The following CLSTN1 variants were observed in gnomAD, a reference collection of about 807,000 sequenced individuals.
CLSTN1 encodes calsyntenin 1, also known as calsyntenin-1.
CLSTN1 carries 28 observed loss-of-function variants against 108.3 expected under a neutral mutation model. The ratio of observed to expected loss-of-function variants is 0.26; its 90% CI spans 0.19 to 0.35. CLSTN1 has a LOEUF of 0.35. CLSTN1 is among the 10% of genes least tolerant of loss of function. The pLI is 1.00. For missense variants in CLSTN1, 1,157 were observed against 1,302.6 expected, an observed-to-expected ratio of 0.89 and a Z score of 1.72; for synonymous variants, 524 against 534.9, an observed-to-expected ratio of 0.98 and a Z score of 0.28.
intron 13 of CLSTN1, 56 bp from the exon 14 acceptor site, chr1:9,735,230 C>T (rs1650621670): frequency 6.3e-7 from 1 of 1,583,030 alleles, no homozygotes; most frequent in South Asian, 1.1e-5. Flanking sequence ...TTGGAGCCCA[C>T]CTGTGCAAAG....
chr1:9,739,417 G>A (rs1264357139), intron 10 of CLSTN1, among the ~76,000 whole-genome samples: 1 of 152,154 alleles, frequency 6.6e-6, no homozygotes, highest in East Asian at 1.9e-4. Flanking sequence ...AGTATTTCAG[G>A]ATGTTAATAA....
chr1:9,755,039 A>T, intron 4 of CLSTN1, 75 bp downstream of exon 4: 1 of 1,250,982 alleles, frequency 8.0e-7, no homozygotes, highest in Non-Finnish European at 1.1e-6. Context: ...AGCAGGCAAT[A>T]GTCACTACTA....
In CLSTN1 at chr1:9,745,066, C is replaced by T. The variant is rs1409473814; in HGVS notation, c.986-423G>A. On this transcript the variant is annotated intron_variant, in intron 7 of 18. Transcript: ENST00000377298. The stretch of plus-strand genomic sequence containing the variant: ...CACGCTTGGCCCTTTCAGTTTACTT[C>T]TCTTCAAAAATCAGGGTTTTAAATT... 2.0e-5 allele frequency among the ~76,000 whole-genome samples: 3 copies of T among 152,114 alleles called. No homozygotes were observed. In the East Asian group the frequency reaches 5.8e-4, roughly 29 times the overall value.
intron 9 of CLSTN1, 76 bp downstream of exon 9, chr1:9,743,808 C>T: frequency 5.1e-6 from 8 of 1,556,278 alleles, no homozygotes; most frequent in Non-Finnish European, 7.0e-6. Context: ...TCCTCGTGCC[C>T]CAGCCTCCCA....
intron 2 of CLSTN1, 139 bp downstream of exon 2, chr1:9,773,133 C>A: frequency 5.3e-6 from 6 of 1,126,622 alleles, no homozygotes; most frequent in African/African-American, 3.2e-5. Context: ...GAAAAAAAAA[C>A]ATGCTACAAA....
chr1:9,757,473 C>A (rs1651874795), intron 2 of CLSTN1, among the ~76,000 whole-genome samples: 1 of 152,048 alleles, frequency 6.6e-6, no homozygotes, highest in East Asian at 1.9e-4. Flanking sequence ...GATCTCCTGA[C>A]CTCATGATCC....
chr1:9,822,490 T>C (rs1337555392), intron 1 of CLSTN1, among the ~76,000 whole-genome samples: 1 of 152,158 alleles, frequency 6.6e-6, no homozygotes, highest in Non-Finnish European at 1.5e-5. Context: ...AATTCAAATA[T>C]GACCATTTCA....
At position 9,731,831 on chromosome 1, in the gene CLSTN1, G is replaced by A. The variant is rs532592267; in HGVS notation, c.2493C>T (p.Phe831=). The A allele has an allele frequency of 6.8e-6, 11 of 1,614,154 alleles. No individual in the cohort carries two copies. The highest frequency in any genetic ancestry group is 1.3e-5 in the African/African-American group (1 of 75,036). Reference sequence around the variant, plus strand: ...CAAAGGAGCGGTGTTCCGGGTGCACGAACTGTGGCTGGGCAGCCATGTGGT... The same window carrying A: ...CAAAGGAGCGGTGTTCCGGGTGCACAAACTGTGGCTGGGCAGCCATGTGGT... ...HANHMAAQPQ[F]VHPEHRSFVD... is the part of the protein sequence containing the mutation. The change falls in exon 17 of 19, where the codon TTC becomes TTT. Residue 831 remains phenylalanine (F), a synonymous_variant. Coordinates refer to ENST00000377298, the MANE Select transcript of CLSTN1 (RefSeq NM_001009566.3).
At chr1:9,806,327 TAACCA>T (rs1654506166) in intron 1 of CLSTN1, among the ~76,000 whole-genome samples, 1 of 151,944 alleles carries the variant, frequency 6.6e-6, no homozygotes, top group Admixed American at 6.6e-5. Flanking sequence ...CAAAAACACA[TAACCA>T]CAAGCTCTTT....
Position 9,734,084 on chromosome 1 carries a change from C to T in CLSTN1, c.2169G>A (p.Thr723=), listed in dbSNP as rs150519492. The part of the protein sequence containing the change: ...IVHDLDTCEV[T]VEGEELNHEQ... ...CGTGGTTCAGCTCCTCTCCCTCCACCGTGACCTCACAGGTATCCAGGTCGT... is the reference window on the plus strand; with the variant it reads ...CGTGGTTCAGCTCCTCTCCCTCCACTGTGACCTCACAGGTATCCAGGTCGT... Residue 723 remains threonine (T), a synonymous_variant, in exon 15 of 19, where the codon ACG becomes ACA. Transcript: ENST00000377298. This position sits in a 1 kb window ranked among gnomAD's most constrained non-coding sequence, Gnocchi z 4.8. 1.5e-4 allele frequency: 240 copies of T among 1,614,182 alleles called. No homozygotes were observed. The African/African-American group carries it at 2.3e-3, about 16-fold the overall frequency.
At chr1:9,744,965 G>A (rs964006101) in intron 7 of CLSTN1, among the ~76,000 whole-genome samples, 14 of 152,134 alleles carry the variant, frequency 9.2e-5, no homozygotes, top group African/African-American at 3.4e-4. Context: ...TGTTGGCCAG[G>A]CTGGCCTGGA....
At chr1:9,786,567 C>T (rs111973561) in intron 1 of CLSTN1, among the ~76,000 whole-genome samples, 7 of 132,302 alleles carry the variant, frequency 5.3e-5, no homozygotes, top group African/African-American at 1.8e-4. Context: ...TGCTTGGACC[C>T]GGGAGGTGGA....
chr1:9,816,889 C>T (rs1654994873), intron 1 of CLSTN1, among the ~76,000 whole-genome samples: 3 of 152,190 alleles, frequency 2.0e-5, no homozygotes, highest in South Asian at 2.1e-4. Context: ...TCAGATGATC[C>T]GCCCACCTCG....
intron 1 of CLSTN1, among the ~76,000 whole-genome samples, chr1:9,796,049 G>A (rs972271102): frequency 4.6e-5 from 7 of 150,818 alleles, no homozygotes; most frequent in Admixed American, 3.4e-4. Flanking sequence ...ATCACTTGAA[G>A]TCAGGAGTTT....
intron 7 of CLSTN1, among the ~76,000 whole-genome samples, chr1:9,745,930 G>A (rs1179872757): frequency 2.0e-5 from 3 of 151,712 alleles, no homozygotes; most frequent in Non-Finnish European, 4.4e-5. Flanking sequence ...CACCATGCCC[G>A]GCTAATTTTT....
At chr1:9,802,176 C>A (rs1047114589) in intron 1 of CLSTN1, among the ~76,000 whole-genome samples, 4 of 152,198 alleles carry the variant, frequency 2.6e-5, no homozygotes, top group Non-Finnish European at 5.9e-5. Context: ...GTTCAGAGTT[C>A]ATGCTCATAA....
At chr1:9,785,537 G>A (rs535818466) in intron 1 of CLSTN1, among the ~76,000 whole-genome samples, 12 of 152,182 alleles carry the variant, frequency 7.9e-5, no homozygotes, top group Admixed American at 2.0e-4. Flanking sequence ...GGGCTGTCCC[G>A]TGCATTGTGG....
At chr1:9,798,946 C>T (rs936459361) in intron 1 of CLSTN1, among the ~76,000 whole-genome samples, 8 of 151,914 alleles carry the variant, frequency 5.3e-5, no homozygotes, top group African/African-American at 1.7e-4. Flanking sequence ...TTTGGGAGGG[C>T]GGGGCAGGAG....
At chr1:9,735,719 A>C in intron 12 of CLSTN1, 104 bp from the exon 13 acceptor site, 1 of 1,528,634 alleles carries the variant, frequency 6.5e-7, no homozygotes, top group Non-Finnish European at 8.9e-7. Context: ...TTCGATTTGA[A>C]TTGCTGACTT....
Sources: allele counts gnomAD v4.1 joint callset (sites outside exome capture counted in the v4.1 genomes callset), GRCh38; gene constraint gnomAD v4.1.1; non-coding constraint Gnocchi (gnomAD v3.1); transcripts MANE v1.5; gene names NCBI Gene and HGNC (gene_info 2026-07-23, HGNC 2026-07-21).